The following TRAF7 variants were observed in gnomAD, a reference collection of about 807,000 sequenced individuals.
TRAF7 encodes TNF receptor associated factor 7.
TRAF7 carries 45 observed loss-of-function variants against 89.3 expected under a neutral mutation model. The observed-to-expected ratio is 0.50, with a 90% CI of 0.40 to 0.65. TRAF7 has a LOEUF of 0.65. Among genes scored for constraint, TRAF7 ranks in the 30% least tolerant of loss-of-function variants. The pLI is 0.00. For missense variants in TRAF7, 677 were observed against 918.1 expected, an observed-to-expected ratio of 0.74 and a Z score of 3.39; for synonymous variants, 406 against 369.2, an observed-to-expected ratio of 1.10 and a Z score of -1.14.
Position 2,162,026 on chromosome 16 carries a change from G to A in TRAF7, c.-38-1857G>A, listed in dbSNP as rs182258372. ...CACACAGGGCCAAGCCCCTCGAGTCGCAGTGGGGCCTGGGGAAGGCCGAGG... is the reference window on the plus strand; with the variant it reads ...CACACAGGGCCAAGCCCCTCGAGTCACAGTGGGGCCTGGGGAAGGCCGAGG... On this transcript the variant is annotated intron_variant, in intron 1 of 20. Coordinates refer to ENST00000326181, the MANE Select transcript of TRAF7 (RefSeq NM_032271.3). This position sits in a 1 kb window ranked among gnomAD's most constrained non-coding sequence, Gnocchi z 5.0. Among the ~76,000 whole-genome samples the A allele has an allele frequency of 1.6e-3, 248 of 152,270 alleles. 2 individuals carry two copies. Among genetic ancestry groups the A allele is most frequent in the Middle Eastern group, 6.8e-3 (2 of 294 alleles).
At position 2,163,952 on chromosome 16, in the gene TRAF7, G is replaced by T; in HGVS notation, c.32G>T (p.Arg11Leu). ...TCAGGCAAGAGTGCCCGCTACAACC[G>T]CTTCTCCGGGGGGCCCAGCAATCTT... is the stretch of plus-strand genomic sequence containing the variant. MSSGKSARYN[R>L]FSGGPSNLPT... The change falls in exon 2 of 21, where the codon CGC (arginine) becomes CTC (leucine). Residue 11 changes from arginine to leucine, a missense_variant. Arg to Leu is a moderately radical substitution (Grantham distance 102). Around this residue, in one of 6 missense-constraint regions of TRAF7, gnomAD observed 240 missense variants for 191.9 expected, o/e 1.25. Coordinates refer to ENST00000326181, the MANE Select transcript of TRAF7 (RefSeq NM_032271.3). The surrounding 1 kb of genome is among the most constrained non-coding windows in gnomAD (Gnocchi z 4.3). 2.5e-6 allele frequency: 4 copies of T among 1,612,870 alleles called. No homozygotes were observed. The highest frequency in any genetic ancestry group is 3.4e-6 in the Non-Finnish European group (4 of 1,179,786).
chr16:2,171,302 G>T lies in TRAF7; in HGVS notation c.387G>T (p.Leu129=). The T allele has an allele frequency of 6.4e-7, 1 of 1,556,346 alleles. No individual in the cohort carries two copies. The highest frequency in any genetic ancestry group is 2.4e-5 in the East Asian group (1 of 41,928). The stretch of plus-strand genomic sequence containing the variant: ...TTGCGGAGCAGCCCTCGGTGAAGCT[G>T]TGCTGTCAGCTCTGCTGCAGCGTCT... ...LVFAEQPSVK[L]CCQLCCSVFK... is the part of the protein sequence containing the mutation. The change falls in exon 6 of 21, where the codon CTG becomes CTT. Residue 129 remains leucine (L), a synonymous_variant. Coordinates refer to ENST00000326181, the MANE Select transcript of TRAF7 (RefSeq NM_032271.3).
At chr16:2,173,152 G>A (rs376063049) in intron 9 of TRAF7, 30 bp from the exon 10 acceptor site, 53 of 1,586,546 alleles carry the variant, frequency 3.3e-5, no homozygotes, top group Middle Eastern at 3.5e-4. Flanking sequence ...GCAGGGACCC[G>A]CCAGGCAGGC....
intron 5 of TRAF7, among the ~76,000 whole-genome samples, chr16:2,171,020 G>A (rs116965735): frequency 2.2e-4 from 33 of 152,352 alleles, no homozygotes; most frequent in Non-Finnish European, 4.3e-4. Flanking sequence ...GGAGGCGGGC[G>A]AGGGCGGCCA....
chr16:2,164,569 T>G (rs1259645163), intron 2 of TRAF7, among the ~76,000 whole-genome samples: 1 of 130,058 alleles, frequency 7.7e-6, no homozygotes, highest in African/African-American at 3.0e-5. Context: ...GTCGCATGGT[T>G]AAGCATGTTA....
Position 2,176,730 on chromosome 16 carries a change from G to C in TRAF7, c.*156G>C. 1 of 1,110,956 alleles carries C rather than the reference G, an allele frequency of 9.0e-7. No homozygotes were observed. The highest frequency in any genetic ancestry group is 1.3e-5 in the South Asian group (1 of 74,994). 68.8% of individuals were successfully genotyped at this position (1,110,956 alleles called of 1,614,324 possible). ...GCAGTGCCCTCCCCGTCCCATGCTC[G>C]GCGAGCCTCCCTCTACTCGGCACTG... On this transcript the variant is annotated 3_prime_UTR_variant, in exon 21 of 21. Transcript: ENST00000326181.
chr16:2,160,624 C>T (rs2093054865), intron 1 of TRAF7, among the ~76,000 whole-genome samples: 1 of 150,926 alleles, frequency 6.6e-6, no homozygotes, highest in South Asian at 2.1e-4. Context: ...GGTAGGGGGG[C>T]TGATGGGGAA....
At position 2,176,053 on chromosome 16, in the gene TRAF7, G is replaced by C; in HGVS notation, c.1751G>C (p.Trp584Ser). The change falls in exon 19 of 21, where the codon TGG becomes TCG. Residue 584 changes from tryptophan to serine, a missense_variant. Trp to Ser is a radical substitution (Grantham distance 177, BLOSUM62 -3). This residue lies in a region of TRAF7 where 160 missense variants were observed against 263.7 expected (regional missense o/e 0.61). Transcript: ENST00000326181. ...GCCTGTGCCCACCCCTCCCAGGTGT[G>C]GGACATTGAGTCCAAGGAGCAGGTG... ...CGTYENLIHV[W>S]DIESKEQVRT... 6.2e-7 allele frequency: 1 copy of C among 1,608,332 alleles called. No homozygotes were observed. Among genetic ancestry groups the C allele is most frequent in the Non-Finnish European group, 8.5e-7 (1 of 1,176,820 alleles).
intron 1 of TRAF7, among the ~76,000 whole-genome samples, chr16:2,160,590 CGT>C (rs2093054608): frequency 8.2e-5 from 7 of 85,566 alleles, no homozygotes; most frequent in Admixed American, 3.0e-4. Flanking sequence ...CTCGGGCAGG[CGT>C]GGTGGGGACA....
At position 2,175,356 on chromosome 16, in the gene TRAF7, C is replaced by T; in HGVS notation, c.1442C>T (p.Pro481Leu). The T allele has an allele frequency of 1.9e-6, 3 of 1,613,612 alleles. No individual in the cohort carries two copies. Among genetic ancestry groups the T allele is most frequent in the Non-Finnish European group, 2.5e-6 (3 of 1,180,012 alleles). ...AACACCATCCGGGCCCATGACAACC[C>T]GGTGTGCACGCTGGTCTCCTCACAC... ...KVNTIRAHDN[P>L]VCTLVSSHNV... The change falls in exon 16 of 21, where the codon CCG becomes CTG. Residue 481 changes from proline (P) to leucine (L), a missense_variant. Pro to Leu is a moderately conservative substitution (Grantham distance 98, BLOSUM62 -3). This residue lies in a region of TRAF7 where 160 missense variants were observed against 263.7 expected (regional missense o/e 0.61). Transcript: ENST00000326181.
intron 1 of TRAF7, among the ~76,000 whole-genome samples, chr16:2,160,949 G>C (rs1421051034): frequency 6.6e-6 from 1 of 152,050 alleles, no homozygotes; most frequent in Non-Finnish European, 1.5e-5. Flanking sequence ...TCTCCCTACT[G>C]GGGAAACTTA....
Position 2,176,801 on chromosome 16 carries a change from C to G in TRAF7, c.*227C>G, listed in dbSNP as rs1045134610. On this transcript the variant is annotated 3_prime_UTR_variant, in exon 21 of 21. Coordinates refer to ENST00000326181, the MANE Select transcript of TRAF7 (RefSeq NM_032271.3). ...TCTGGGTGCCAGGTACGACGCTTGC[C>G]CCGGCCCACCCTCCATCCCCACCCT... The G allele has an allele frequency of 2.6e-5, 17 of 645,508 alleles. No individual in the cohort carries two copies. The highest frequency in any genetic ancestry group is 7.6e-5 in the Admixed American group (3 of 39,644). The allele number at this position is 645,508 out of a possible 1,614,324, so 40.0% of individuals were successfully genotyped here.
chr16:2,160,020 A>G (rs2093050963), intron 1 of TRAF7, among the ~76,000 whole-genome samples: 1 of 152,168 alleles, frequency 6.6e-6, no homozygotes, highest in Non-Finnish European at 1.5e-5. Context: ...CTCTAAGCCC[A>G]GCTTGTGGGA....
chr16:2,171,428 G>A (rs976325085), intron 6 of TRAF7, 72 bp downstream of exon 6: 19 of 1,528,958 alleles, frequency 1.2e-5, no homozygotes, highest in Admixed American at 7.9e-5. Context: ...CTCGGGGGCC[G>A]GGGCTGTGGC....
Position 2,168,068 on chromosome 16 carries a change from G to T in TRAF7, c.140-9G>T. On this transcript the variant is annotated splice_polypyrimidine_tract_variant and intron_variant, in intron 3 of 20. Transcript: ENST00000326181. The surrounding 1 kb of genome is among the most constrained non-coding windows in gnomAD (Gnocchi z 4.1). ...CCCCCACTGAGACGCCAGCCCTCTTGCCTTGCAGCTGACGGGACCAGCACC... is the reference window on the plus strand; with the variant it reads ...CCCCCACTGAGACGCCAGCCCTCTTTCCTTGCAGCTGACGGGACCAGCACC... The T allele has an allele frequency of 6.2e-7, 1 of 1,610,246 alleles. No individual in the cohort carries two copies.
chr16:2,175,455 G>A (rs2093131600), intron 16 of TRAF7, 38 bp downstream of exon 16: 2 of 1,612,286 alleles, frequency 1.2e-6, no homozygotes, highest in Non-Finnish European at 1.7e-6. Context: ...GTGTCACTGA[G>A]GCGTCCCTTG....
At chr16:2,171,943 C>T (rs903998907) in intron 7 of TRAF7, among the ~76,000 whole-genome samples, 3 of 152,224 alleles carry the variant, frequency 2.0e-5, no homozygotes, top group Non-Finnish European at 2.9e-5. Flanking sequence ...CTGCCTGCCT[C>T]TCCGCACTCT....
Position 2,178,116 on chromosome 16 carries a change from C to T in TRAF7, c.*1542C>T, listed in dbSNP as rs1250150873. On this transcript the variant is annotated 3_prime_UTR_variant, in exon 21 of 21. Transcript: ENST00000326181. The stretch of plus-strand genomic sequence containing the variant: ...TCAGCTCATTCCCAATAAATTAATA[C>T]TCTTGATAGCTTATATTCTGGGGGT... The T allele has an allele frequency of 7.9e-6, 4 of 506,118 alleles. No homozygotes were observed. The East Asian group carries it at 1.4e-4, about 17-fold the overall frequency. The allele number at this position is 506,118 out of a possible 1,614,324, so 31.4% of individuals were successfully genotyped here.
intron 2 of TRAF7, among the ~76,000 whole-genome samples, 160 bp downstream of exon 2, chr16:2,164,161 C>T (rs113290145): frequency 0.24 from 15,768 of 66,406 alleles, 1,263 homozygotes; most frequent in African/African-American, 0.41. Context: ...TGTGTGTGTG[C>T]GCGCGCGCGC....
Sources: gnomAD v4.1 joint callset for allele counts (sites outside exome capture counted in the v4.1 genomes callset) on GRCh38, gnomAD v4.1.1 for gene constraint, gnomAD v4.1.1 regional missense constraint, Gnocchi (gnomAD v3.1) non-coding constraint, MANE v1.5 for transcripts, NCBI Gene and HGNC (gene_info 2026-07-23, HGNC 2026-07-21) for gene names.